ST3GAL1: variants seen among roughly 807,000 people sequenced by gnomAD.
ST3GAL1 encodes the protein CMP-N-acetylneuraminate-beta-galactosamide-alpha-2,3-sialyltransferase 1.
In ST3GAL1, 16 loss-of-function variants were observed where a neutral mutation model predicts 34.1. The observed-to-expected ratio is 0.47, with a 90% CI of 0.32 to 0.71. The LOEUF is 0.71. Ranked by LOEUF, ST3GAL1 falls within the 30% of genes least tolerant of loss-of-function variation. ST3GAL1 has a pLI of 0.04. For synonymous variants in ST3GAL1, 191 were observed against 184.7 expected, an observed-to-expected ratio of 1.03 and a Z score of -0.28; for missense variants, 353 against 447.4, an observed-to-expected ratio of 0.79 and a Z score of 1.90.
chr8:133,487,799 T>C (rs2130969973), intron 3 of ST3GAL1, among the ~76,000 whole-genome samples: 1 of 151,938 alleles, frequency 6.6e-6, no homozygotes, highest in East Asian at 1.9e-4. Context: ...TGAAACCCTA[T>C]CTATAAAAAT....
intron 1 of ST3GAL1, among the ~76,000 whole-genome samples, chr8:133,568,390 G>T (rs1243958596): frequency 4.6e-5 from 7 of 152,204 alleles, no homozygotes; most frequent in African/African-American, 1.7e-4. Context: ...CAGCTCCTCA[G>T]GTGTGCCAGC....
At chr8:133,502,697 T>A (rs1267660195) in intron 2 of ST3GAL1, among the ~76,000 whole-genome samples, 1 of 152,212 alleles carries the variant, frequency 6.6e-6, no homozygotes, top group Non-Finnish European at 1.5e-5. Flanking sequence ...ATTTTGCAGT[T>A]GAGGAAGCTG....
chr8:133,556,236 G>A lies in ST3GAL1; in HGVS notation c.-581-10310C>T, dbSNP rs1205219584. Among the ~76,000 whole-genome samples, 2 of 152,152 alleles carry A rather than the reference G, an allele frequency of 1.3e-5. No individual in the cohort carries two copies. Among genetic ancestry groups the A allele is most frequent in the South Asian group, 2.1e-4 (1 of 4,828 alleles). On this transcript the variant is annotated intron_variant, in intron 1 of 9. Coordinates refer to ENST00000522652, the MANE Select transcript of ST3GAL1 (RefSeq NM_173344.3). This position sits in a 1 kb window ranked among gnomAD's most constrained non-coding sequence, Gnocchi z 8.9. The stretch of plus-strand genomic sequence containing the variant: ...AATCTCCACTCTCACCCAGGAAGAT[G>A]AGTTGGTGTCACCCCCAGAGCACAA...
At chr8:133,462,015 G>T (rs375057654) in intron 8 of ST3GAL1, 21 bp from the exon 9 acceptor site, 1 of 1,613,694 alleles carries the variant, frequency 6.2e-7, no homozygotes, top group Non-Finnish European at 8.5e-7. Context: ...GGGAAGACAC[G>T]GCCCTTAGTG....
intron 2 of ST3GAL1, among the ~76,000 whole-genome samples, chr8:133,529,682 C>T (rs999904149): frequency 3.3e-5 from 5 of 152,194 alleles, no homozygotes; most frequent in Non-Finnish European, 5.9e-5. Flanking sequence ...CAAAGGTCAA[C>T]AAGAACCCCT....
chr8:133,508,662 G>A lies in ST3GAL1; in HGVS notation c.-428-9473C>T, dbSNP rs754027400. On this transcript the variant is annotated intron_variant, in intron 2 of 9. Coordinates refer to ENST00000522652, the MANE Select transcript of ST3GAL1 (RefSeq NM_173344.3). This position sits in a 1 kb window ranked among gnomAD's most constrained non-coding sequence, Gnocchi z 4.1. ...GCTGGGAGGATCCTCTATAACCACCGAGTCCAGACTCTTGGCTTTTGTGAG... is the reference window on the plus strand; with the variant it reads ...GCTGGGAGGATCCTCTATAACCACCAAGTCCAGACTCTTGGCTTTTGTGAG... Among the ~76,000 whole-genome samples, 1 of 151,934 alleles carries A rather than the reference G, an allele frequency of 6.6e-6. No individual in the cohort carries two copies. The highest frequency in any genetic ancestry group is 1.5e-5 in the Non-Finnish European group (1 of 67,970).
At chr8:133,546,351 C>G (rs55773850) in intron 1 of ST3GAL1, among the ~76,000 whole-genome samples, 1 of 151,964 alleles carries the variant, frequency 6.6e-6, no homozygotes, top group African/African-American at 2.4e-5. Context: ...GGCATGGTGG[C>G]GCACACCTGT....
intron 2 of ST3GAL1, among the ~76,000 whole-genome samples, chr8:133,536,129 G>A (rs549903298): frequency 4.6e-5 from 7 of 152,296 alleles, no homozygotes; most frequent in African/African-American, 1.4e-4. Context: ...ATTTGAACCC[G>A]GGTCATCTGT....
rs191033890 is a variant in ST3GAL1 at position 133,534,669 on chromosome 8, G to A, written c.-429+11105C>T. ...CCCATTTCCAGTTCTCCAAAGGCTG[G>A]AGGCAAGTCGGAGGAGCTAAAGAAG... On this transcript the variant is annotated intron_variant, in intron 2 of 9. Coordinates refer to ENST00000522652, the MANE Select transcript of ST3GAL1 (RefSeq NM_173344.3). Among the ~76,000 whole-genome samples the A allele has an allele frequency of 3.7e-3, 558 of 152,360 alleles. 5 individuals are homozygous for A. Among genetic ancestry groups the A allele is most frequent in the African/African-American group, 0.013 (540 of 41,584 alleles).
intron 1 of ST3GAL1, among the ~76,000 whole-genome samples, chr8:133,547,643 A>G (rs946893658): frequency 6.6e-6 from 1 of 152,208 alleles, no homozygotes; most frequent in African/African-American, 2.4e-5. Flanking sequence ...GGGCCAGCAC[A>G]GGCAATCAGC....
At chr8:133,483,129 G>A (rs1486358654) in intron 3 of ST3GAL1, among the ~76,000 whole-genome samples, 1 of 152,176 alleles carries the variant, frequency 6.6e-6, no homozygotes, top group Non-Finnish European at 1.5e-5. Flanking sequence ...ATCACTCGAG[G>A]TCAGGAGTTC....
At chr8:133,559,132 G>A (rs569953700) in intron 1 of ST3GAL1, among the ~76,000 whole-genome samples, 10 of 152,178 alleles carry the variant, frequency 6.6e-5, no homozygotes, top group Admixed American at 5.9e-4. Context: ...CCTTCATTTA[G>A]AAGTTTGGTG....
At chr8:133,487,036 C>T (rs568832884) in intron 3 of ST3GAL1, among the ~76,000 whole-genome samples, 28 of 152,286 alleles carry the variant, frequency 1.8e-4, no homozygotes, top group Middle Eastern at 3.4e-3. Context: ...TTCTGCCTCC[C>T]GGATTCAAGC....
chr8:133,531,044 T>C (rs1818136912), intron 2 of ST3GAL1, among the ~76,000 whole-genome samples: 1 of 151,536 alleles, frequency 6.6e-6, no homozygotes, highest in Admixed American at 6.6e-5. Flanking sequence ...CATTTATGAT[T>C]ATGCTCTGCA....
intron 1 of ST3GAL1, among the ~76,000 whole-genome samples, chr8:133,554,534 G>A (rs1363292113): frequency 6.6e-6 from 1 of 152,114 alleles, no homozygotes; most frequent in African/African-American, 2.4e-5. Flanking sequence ...AAGAAGGCTA[G>A]GATTGCGCTG....
chr8:133,512,087 A>T (rs1817513455), intron 2 of ST3GAL1, among the ~76,000 whole-genome samples: 1 of 152,066 alleles, frequency 6.6e-6, no homozygotes, highest in African/African-American at 2.4e-5. Context: ...AGAAGAATTG[A>T]CTCACACCAT....
At chr8:133,540,142 A>T (rs1249359908) in intron 2 of ST3GAL1, among the ~76,000 whole-genome samples, 1 of 152,096 alleles carries the variant, frequency 6.6e-6, no homozygotes, top group Admixed American at 6.6e-5. Context: ...CCCTCTACAC[A>T]TTAATCCGCT....
At chr8:133,472,181 AAC>A (rs879793375) in intron 5 of ST3GAL1, among the ~76,000 whole-genome samples, 6 of 107,614 alleles carry the variant, frequency 5.6e-5, no homozygotes, top group African/African-American at 1.0e-4. Flanking sequence ...AATTTAACTC[AAC>A]TCAACTCAAC....
At chr8:133,505,265 G>T (rs1817297129) in intron 2 of ST3GAL1, among the ~76,000 whole-genome samples, 1 of 152,186 alleles carries the variant, frequency 6.6e-6, no homozygotes, top group South Asian at 2.1e-4. Context: ...GCAGGGCTCA[G>T]GTGTGCTTAC....
Sources: allele counts gnomAD v4.1 joint callset (sites outside exome capture counted in the v4.1 genomes callset), GRCh38; gene constraint gnomAD v4.1.1; non-coding constraint Gnocchi (gnomAD v3.1); transcripts MANE v1.5; gene names NCBI Gene and HGNC (gene_info 2026-07-23, HGNC 2026-07-21).